FCRL6: variants seen among roughly 807,000 people sequenced by gnomAD.
FCRL6 encodes Fc receptor like 6, also known as Fc receptor-like protein 6.
A neutral mutation model predicts 49.1 loss-of-function variants in FCRL6; 50 were observed. The observed-to-expected ratio is 1.02, with a 90% confidence interval of 0.81 to 1.29. The LOEUF (loss-of-function observed/expected upper bound fraction) is 1.29, where lower values mean the gene tolerates loss of function less well. FCRL6 is among the 50% of genes most tolerant of loss of function. The pLI, the probability that FCRL6 is intolerant of heterozygous loss-of-function variation, is 0.00. For synonymous variants in FCRL6, 213 were observed against 199.6 expected (o/e 1.07, Z -0.57); for missense variants, 571 against 518.5 (o/e 1.10, Z -0.98).
chr1:159,808,497 C>T (rs756505701), intron 3 of FCRL6, 53 bp downstream of exon 3: 44 of 1,606,650 alleles, frequency 2.7e-5, no homozygotes, highest in African/African-American at 1.3e-4. Context: ...TCAAGGGTCC[C>T]GTTTCTAGAG....
chr1:159,812,574 A>G (rs1039675731), intron 6 of FCRL6, among the ~76,000 whole-genome samples: 3 of 152,218 alleles, frequency 2.0e-5, no homozygotes, highest in African/African-American at 4.8e-5. Flanking sequence ...AGTTCTGTCA[A>G]ACTCATGGAA....
At chr1:159,805,789 C>A (rs924473675) in intron 1 of FCRL6, among the ~76,000 whole-genome samples, 2 of 152,220 alleles carry the variant, frequency 1.3e-5, no homozygotes, top group African/African-American at 4.8e-5. Context: ...GACTTATCCT[C>A]CTCAGTCTGG....
Position 159,811,244 on chromosome 1 carries a change from C to A in FCRL6, c.1009+1028C>A, listed in dbSNP as rs538089711. Among the ~76,000 whole-genome samples, 7 of 152,352 alleles carry A rather than the reference C, an allele frequency of 4.6e-5. No individual in the cohort carries two copies. The South Asian group carries it at 6.2e-4, about 14-fold the overall frequency. The stretch of plus-strand genomic sequence containing the variant: ...TAACCTTTGCTCGCCTCAGGCCACA[C>A]ACATATAAGGAATGGCTACCAGTGC... On this transcript the variant is annotated intron_variant, in intron 6 of 9. Coordinates refer to ENST00000368106, the MANE Select transcript of FCRL6 (RefSeq NM_001004310.3).
At position 159,814,210 on chromosome 1, in the gene FCRL6, C is replaced by T. The variant is rs760595653; in HGVS notation, c.1076-11C>T. On this transcript the variant is annotated splice_polypyrimidine_tract_variant and intron_variant, in intron 7 of 9. Transcript: ENST00000368106. ...AGGAGGATCCTATTTAAGCCTCATTCCTTCTTCCAGTGCATCACCAGAAAG... is the reference window on the plus strand; with the variant it reads ...AGGAGGATCCTATTTAAGCCTCATTTCTTCTTCCAGTGCATCACCAGAAAG... 8.7e-6 allele frequency: 14 copies of T among 1,613,140 alleles called. No homozygotes were observed. In the Admixed American group the frequency reaches 2.0e-4, roughly 23 times the overall value.
rs1461408812 is a variant in FCRL6, at chr1:159,809,166, TG to T, written c.528del (p.Leu177PhefsTer89). The T allele has an allele frequency of 1.2e-6, 2 of 1,613,164 alleles. No individual in the cohort carries two copies. The highest frequency in any genetic ancestry group is 1.7e-6 in the Non-Finnish European group (2 of 1,179,542). The part of the protein sequence containing the change: ...CIPGAKEGDS[G>X]LYWCEVAPEG... ...TCCCGGGAGCCAAGGAGGGAGACTC[TG>T]GGCTTTACTGGTGTGAGGTGGCCCC... On this transcript the variant is annotated frameshift_variant, in exon 4 of 10. Coordinates refer to ENST00000368106, the MANE Select transcript of FCRL6 (RefSeq NM_001004310.3). LOFTEE classifies it high-confidence loss of function.
chr1:159,815,387 G>A (rs1345755455), intron 8 of FCRL6, 41 bp from the exon 9 acceptor site: 3 of 1,600,558 alleles, frequency 1.9e-6, no homozygotes, highest in South Asian at 2.2e-5. Flanking sequence ...TACTTGCTGT[G>A]GAGCACAGAG....
chr1:159,802,582 G>GCACACACCTGTC, intron 1 of FCRL6, 127 bp downstream of exon 1: 1 of 817,994 alleles, frequency 1.2e-6, no homozygotes, highest in Non-Finnish European at 2.0e-6. Context: ...CAAGACAGGT[G>GCACACACCTGTC]TGTGCACCTG....
intron 7 of FCRL6, 47 bp from the exon 8 acceptor site, chr1:159,814,174 G>T (rs770259415): frequency 6.5e-7 from 1 of 1,544,000 alleles, no homozygotes; most frequent in South Asian, 1.1e-5. Flanking sequence ...ATGACATGAG[G>T]TGGGAGAGTC....
At chr1:159,804,521 T>C (rs1294797408) in intron 1 of FCRL6, among the ~76,000 whole-genome samples, 1 of 152,266 alleles carries the variant, frequency 6.6e-6, no homozygotes, top group African/African-American at 2.4e-5. Context: ...TTCATGATAC[T>C]GTCACCTCAT....
intron 1 of FCRL6, among the ~76,000 whole-genome samples, chr1:159,803,413 C>T (rs1455233572): frequency 6.6e-6 from 1 of 152,210 alleles, no homozygotes; most frequent in African/African-American, 2.4e-5. Flanking sequence ...TAAATATAAC[C>T]TCTTCCTGGA....
chr1:159,806,975 G>A (rs1472927855), intron 2 of FCRL6, among the ~76,000 whole-genome samples: 1 of 152,168 alleles, frequency 6.6e-6, no homozygotes, highest in Non-Finnish European at 1.5e-5. Context: ...GTTCAGAGAA[G>A]CAGCAGGCAC....
chr1:159,814,368 T>G, intron 8 of FCRL6, 76 bp downstream of exon 8: 1 of 1,027,516 alleles, frequency 9.7e-7, no homozygotes, highest in Non-Finnish European at 1.5e-6. Context: ...TCACTACCAC[T>G]GTCATTACCA....
At chr1:159,800,659 T>C (rs1218904444), upstream of FCRL6, 4 of 1,512,152 alleles carry the variant, frequency 2.6e-6, no homozygotes, top group Non-Finnish European at 1.8e-6. Context: ...CCTCACTACT[T>C]TTCCCTCTTT....
At chr1:159,801,939 C>T (rs563105491), upstream of FCRL6, among the ~76,000 whole-genome samples, 2 of 152,138 alleles carry the variant, frequency 1.3e-5, no homozygotes, top group African/African-American at 2.4e-5. Context: ...AGCATCCACA[C>T]ACATTTACCT....
chr1:159,800,610 T>G, upstream of FCRL6: 1 of 1,550,182 alleles, frequency 6.5e-7, no homozygotes, highest in Non-Finnish European at 8.7e-7. Context: ...GTTGCCATCT[T>G]TAGGTGAGTG....
At chr1:159,808,536 T>C (rs1423389228) in intron 3 of FCRL6, 92 bp downstream of exon 3, 1 of 1,491,644 alleles carries the variant, frequency 6.7e-7, no homozygotes, top group African/African-American at 1.4e-5. Context: ...TGGACCCCTG[T>C]CTCTGGCTGC....
In FCRL6 at chr1:159,810,073, CCTT is replaced by C; in HGVS notation, c.887-15_887-13del. On this transcript the variant is annotated intron_variant, in intron 5 of 9. Transcript: ENST00000368106. Reference sequence around the variant, plus strand: ...ATTTTATCTTCAGTGCTCATGGCCACCTTCTTCTCCCTGCTCCCAGGTTCTCAA... The same window carrying C: ...ATTTTATCTTCAGTGCTCATGGCCACCTTCTCCCTGCTCCCAGGTTCTCAA... The C allele has an allele frequency of 1.2e-6, 2 of 1,605,890 alleles. No individual in the cohort carries two copies. The highest frequency in any genetic ancestry group is 2.2e-5 in the East Asian group (1 of 44,780).
rs1018018017 is a variant in FCRL6, at chr1:159,815,522, CA to C, written c.1180-12del. 1.2e-6 allele frequency: 2 copies of C among 1,614,068 alleles called. No homozygotes were observed. The highest frequency in any genetic ancestry group is 1.3e-5 in the African/African-American group (1 of 74,936). ...TTACATTTGCTTCCTCATCCTGAGC[CA>C]ACTCTTCCACAGGACAGTTCTATCA... On this transcript the variant is annotated splice_polypyrimidine_tract_variant and intron_variant, in intron 9 of 9. Transcript: ENST00000368106.
chr1:159,802,444 T>G lies in FCRL6; in HGVS notation c.20T>G (p.Val7Gly). 3 of 1,613,894 alleles carry G rather than the reference T, an allele frequency of 1.9e-6. No individual in the cohort carries two copies. The highest frequency in any genetic ancestry group is 2.5e-6 in the Non-Finnish European group (3 of 1,179,894). ...GGCCCCATGCTGCTCTGGACGGCTG[T>G]GCTGCTCTTTGGTAAGTCAACGAGC... Reference protein sequence around the residue: MLLWTAVLLFVPCVGKT... With the variant: MLLWTAGLLFVPCVGKT... The change falls in exon 1 of 10, where the codon GTG (valine) becomes GGG (glycine). Residue 7 changes from valine to glycine, a missense_variant. Physicochemically the swap from Val to Gly is moderately radical, Grantham distance 109. Transcript: ENST00000368106.
Sources: allele counts gnomAD v4.1 joint callset (sites outside exome capture counted in the v4.1 genomes callset), GRCh38; gene constraint gnomAD v4.1.1; transcripts MANE v1.5; gene names NCBI Gene and HGNC (gene_info 2026-07-23, HGNC 2026-07-21).